DMD: variants seen among roughly 807,000 people sequenced by gnomAD.
DMD encodes mutant dystrophin.
A neutral mutation model predicts 330.1 loss-of-function variants in DMD; 63 were observed. The observed-to-expected ratio is 0.19, with a 90% CI of 0.16 to 0.24. The LOEUF (loss-of-function observed/expected upper bound fraction) is 0.24, where lower values mean the gene tolerates loss of function less well. Among genes scored for constraint, DMD ranks in the 10% least tolerant of loss-of-function variants. The pLI, the probability that DMD is intolerant of heterozygous loss-of-function variation, is 1.00. For missense variants in DMD, 3,344 were observed against 2,684.1 expected (o/e 1.25, Z -5.43); for synonymous variants, 1,223 against 959.8 (o/e 1.27, Z -5.07).
chrX:31,134,543 C>T (rs1265653598), intron 76 of DMD, among the ~76,000 whole-genome samples: 1 of 110,081 alleles, frequency 9.1e-6, no homozygotes, highest in Non-Finnish European at 1.9e-5. Flanking sequence ...CTGCCTCAGC[C>T]TCCCGAGTAG....
At chrX:31,288,144 C>CA (rs948500434) in intron 62 of DMD, among the ~76,000 whole-genome samples, 31 of 108,323 alleles carry the variant, frequency 2.9e-4, no homozygotes, top group African/African-American at 6.0e-4. Flanking sequence ...AAGAAACAGA[C>CA]AAAAAAAAAG....
chrX:33,181,388 A>T (rs371538196), intron 1 of DMD, among the ~76,000 whole-genome samples: 4 of 111,805 alleles, frequency 3.6e-5, no homozygotes, highest in South Asian at 7.4e-4. Context: ...GATGGGCACC[A>T]TTTTATAGTT....
intron 44 of DMD, among the ~76,000 whole-genome samples, chrX:32,114,886 C>T (rs951215887): frequency 7.1e-5 from 8 of 112,372 alleles, no homozygotes; most frequent in Non-Finnish European, 1.5e-4. Context: ...TTTTAACCTA[C>T]CACAAATAGT....
At position 32,521,581 on chromosome X, in the gene DMD, C is replaced by G. The variant is rs191746780; in HGVS notation, c.2169-3450G>C. ...ATCAATGATTCTGATATGTATATCT[C>G]TAATTCAGGCACTTGTTCTGAATTC... On this transcript the variant is annotated intron_variant, in intron 17 of 78. Coordinates refer to ENST00000357033, the MANE Select transcript of DMD (RefSeq NM_004006.3). 2.7e-5 allele frequency among the ~76,000 whole-genome samples: 3 copies of G among 112,373 alleles called. No homozygotes were observed. The East Asian group carries it at 8.4e-4, about 32-fold the overall frequency.
intron 67 of DMD, among the ~76,000 whole-genome samples, chrX:31,193,726 G>A (rs1352081163): frequency 2.7e-5 from 3 of 111,624 alleles, no homozygotes; most frequent in Non-Finnish European, 3.8e-5. Flanking sequence ...GGAACAAAAT[G>A]TTATTTTGTT....
chrX:32,838,347 T>C (rs754534194), intron 4 of DMD, among the ~76,000 whole-genome samples: 1 of 111,170 alleles, frequency 9.0e-6, no homozygotes, highest in African/African-American at 3.3e-5. Context: ...GCTGTACCCA[T>C]AGACCCGTCA....
Position 32,475,458 on chromosome X carries a change from T to C in DMD, c.2804-3149A>G, listed in dbSNP as rs192836944. ...ATTGCCTTTGGCAGTATGGTCATTTTCACAATACTGATTGTACCCATCCAC... is the reference window on the plus strand; with the variant it reads ...ATTGCCTTTGGCAGTATGGTCATTTCCACAATACTGATTGTACCCATCCAC... On this transcript the variant is annotated intron_variant, in intron 21 of 78. Coordinates refer to ENST00000357033, the MANE Select transcript of DMD (RefSeq NM_004006.3). 4.7e-3 allele frequency among the ~76,000 whole-genome samples: 521 copies of C among 111,810 alleles called. 3 individuals carry two copies. Among genetic ancestry groups the C allele is most frequent in the South Asian group, 0.011 (30 of 2,699 alleles).
chrX:32,616,288 A>C (rs2057558458), intron 11 of DMD, among the ~76,000 whole-genome samples: 2 of 111,012 alleles, frequency 1.8e-5, no homozygotes, highest in South Asian at 7.5e-4. Flanking sequence ...CACTATACAC[A>C]GCCCCTGTGG....
At chrX:32,157,344 T>A (rs1238531736) in intron 44 of DMD, among the ~76,000 whole-genome samples, 1 of 112,301 alleles carries the variant, frequency 8.9e-6, no homozygotes, top group Admixed American at 9.4e-5. Flanking sequence ...TAACAGGCAT[T>A]CAATAAATAC....
chrX:31,862,756 G>T (rs2093727783), intron 48 of DMD, among the ~76,000 whole-genome samples: 1 of 111,789 alleles, frequency 8.9e-6, no homozygotes, highest in Admixed American at 9.5e-5. Flanking sequence ...ATTCTCTCCC[G>T]GGCCTGAAAG....
chrX:32,577,940 C>T (rs992823158), intron 13 of DMD, among the ~76,000 whole-genome samples: 11 of 112,129 alleles, frequency 9.8e-5, no homozygotes, highest in African/African-American at 3.6e-4. Context: ...AGATAATACA[C>T]GAAGTGCTTT....
intron 12 of DMD, among the ~76,000 whole-genome samples, chrX:32,604,450 A>G (rs2056504065): frequency 1.8e-5 from 2 of 110,059 alleles, no homozygotes; most frequent in South Asian, 7.9e-4. Context: ...ATCATACTAA[A>G]CAGGAACATG....
intron 26 of DMD, 106 bp from the exon 27 acceptor site, chrX:32,448,744 G>A (rs2098315814): frequency 5.5e-6 from 4 of 732,015 alleles, no homozygotes; most frequent in African/African-American, 2.2e-5. Context: ...CAGTTAGAAT[G>A]AGAATTACAA....
At chrX:31,164,637 C>G (rs1207525498) in intron 74 of DMD, among the ~76,000 whole-genome samples, 2 of 111,419 alleles carry the variant, frequency 1.8e-5, no homozygotes, top group Middle Eastern at 4.6e-3. Context: ...CTCTAATCAT[C>G]TCTTTCCTGG....
chrX:31,478,867 C>T (rs1326102474), intron 58 of DMD, 116 bp downstream of exon 58: 1 of 790,675 alleles, frequency 1.3e-6, no homozygotes, highest in Non-Finnish European at 1.8e-6. Flanking sequence ...TGAATTGATT[C>T]TATTTAACCA....
At chrX:33,288,139 A>C (rs972114262) in intron 1 of DMD, among the ~76,000 whole-genome samples, 1 of 111,841 alleles carries the variant, frequency 8.9e-6, no homozygotes, top group Non-Finnish European at 1.9e-5. Context: ...GAATGGAAGC[A>C]CATAGATGAT....
chrX:32,578,920 A>G (rs1403150065), intron 13 of DMD, among the ~76,000 whole-genome samples: 1 of 111,882 alleles, frequency 8.9e-6, no homozygotes, highest in Non-Finnish European at 1.9e-5. Flanking sequence ...AATGAATTTT[A>G]TGTGTAATGA....
At chrX:31,876,160 C>A (rs988324168) in intron 47 of DMD, among the ~76,000 whole-genome samples, 2 of 112,535 alleles carry the variant, frequency 1.8e-5, no homozygotes, top group Non-Finnish European at 3.8e-5. Context: ...GGAAGTTTCA[C>A]ATTTGTAGAC....
chrX:32,509,530 A>T (rs1033398633), intron 18 of DMD, among the ~76,000 whole-genome samples: 2 of 111,725 alleles, frequency 1.8e-5, no homozygotes, highest in African/African-American at 6.5e-5. Flanking sequence ...ACTGGTTCAA[A>T]ACAAAAACAA....
Sources: allele counts gnomAD v4.1 joint callset (sites outside exome capture counted in the v4.1 genomes callset), GRCh38; gene constraint gnomAD v4.1.1; transcripts MANE v1.5; gene names NCBI Gene and HGNC (gene_info 2026-07-23, HGNC 2026-07-21).